The following TRAM2 variants were observed in gnomAD, a reference collection of about 807,000 sequenced individuals.
TRAM2 encodes translocation associated membrane protein 2, also known as translocating chain-associated membrane protein 2.
Under a neutral mutation model 51.0 loss-of-function variants are expected in TRAM2, and 12 were observed. That is an observed-to-expected ratio of 0.24 (90% confidence interval 0.15 to 0.38). The LOEUF is 0.38. TRAM2 is among the 10% of genes least tolerant of loss of function. The probability of loss-of-function intolerance (pLI) is 1.00; values close to 1 mark genes in which losing one functional copy is unlikely to be tolerated. For synonymous variants in TRAM2, 175 were observed against 179.4 expected (o/e 0.98, Z 0.20); for missense variants, 361 against 462.0 (o/e 0.78, Z 2.00).
chr6:52,539,895 C>T (rs1461336002), intron 1 of TRAM2, among the ~76,000 whole-genome samples: 2 of 152,018 alleles, frequency 1.3e-5, no homozygotes, highest in Non-Finnish European at 2.9e-5. Flanking sequence ...CTCATAAATT[C>T]CTATTTGACA....
intron 2 of TRAM2, chr6:52,524,099 G>C (rs992397964): frequency 6.6e-5 from 10 of 152,350 alleles, no homozygotes; most frequent in African/African-American, 2.4e-4. Context: ...GTAACTGAGA[G>C]ATTTATGAAT....
chr6:52,529,273 C>A (rs983862795), intron 2 of TRAM2, among the ~76,000 whole-genome samples: 1 of 152,210 alleles, frequency 6.6e-6, no homozygotes, highest in Admixed American at 6.5e-5. Flanking sequence ...CACCTCCCCC[C>A]AGCTTTCCCA....
chr6:52,519,383 C>G (rs1766620974), intron 2 of TRAM2, among the ~76,000 whole-genome samples: 2 of 152,216 alleles, frequency 1.3e-5, no homozygotes, highest in Admixed American at 1.3e-4. Flanking sequence ...ATACTCAACA[C>G]CACTCATCAT....
intron 2 of TRAM2, among the ~76,000 whole-genome samples, chr6:52,520,097 T>C (rs1473953480): frequency 2.6e-5 from 4 of 152,234 alleles, no homozygotes; most frequent in Non-Finnish European, 5.9e-5. Flanking sequence ...TACTTAACAA[T>C]ACTGAACTGT....
At chr6:52,529,330 T>A (rs1165601306) in intron 2 of TRAM2, among the ~76,000 whole-genome samples, 1 of 152,198 alleles carries the variant, frequency 6.6e-6, no homozygotes, top group Non-Finnish European at 1.5e-5. Context: ...GACAGAAAGA[T>A]GCAAATGAGT....
chr6:52,527,012 G>GA (rs2114079371), intron 2 of TRAM2, among the ~76,000 whole-genome samples: 1 of 151,278 alleles, frequency 6.6e-6, no homozygotes, highest in South Asian at 2.1e-4. Flanking sequence ...TAAACTTACA[G>GA]AAAAAATAAC....
At chr6:52,545,141 G>A (rs973372236) in intron 1 of TRAM2, among the ~76,000 whole-genome samples, 6 of 152,334 alleles carry the variant, frequency 3.9e-5, no homozygotes, top group African/African-American at 1.4e-4. Flanking sequence ...ATCTGATGGT[G>A]ACTTCATGCA....
At chr6:52,542,740 C>T (rs975390384) in intron 1 of TRAM2, among the ~76,000 whole-genome samples, 2 of 151,960 alleles carry the variant, frequency 1.3e-5, no homozygotes, top group East Asian at 1.9e-4. Flanking sequence ...GAAAAAAACT[C>T]GAAATTTGAA....
At chr6:52,559,245 A>G (rs1424192871) in intron 1 of TRAM2, among the ~76,000 whole-genome samples, 3 of 152,210 alleles carry the variant, frequency 2.0e-5, no homozygotes, top group Non-Finnish European at 4.4e-5. Context: ...ACTCCACATC[A>G]GGAAAGATCA....
intron 4 of TRAM2, 108 bp downstream of exon 4, chr6:52,515,892 CAGAAAA>C (rs1242223697): frequency 1.1e-6 from 1 of 876,126 alleles, no homozygotes; most frequent in Non-Finnish European, 1.8e-6. Flanking sequence ...TTCCCCTTAA[CAGAAAA>C]AGAAAAAGAG....
At chr6:52,509,703 G>A in intron 4 of TRAM2, 117 bp from the exon 5 acceptor site, 1 of 860,192 alleles carries the variant, frequency 1.2e-6, no homozygotes, top group Non-Finnish European at 1.8e-6. Flanking sequence ...AAAGAGGAAG[G>A]AACAGGAAAT....
rs1009530814 is a variant in TRAM2, at chr6:52,554,777, T to G, written c.121-18931A>C. 2.0e-5 allele frequency among the ~76,000 whole-genome samples: 3 copies of G among 151,162 alleles called. No homozygotes were observed. In the South Asian group the frequency reaches 6.3e-4, roughly 32 times the overall value. On this transcript the variant is annotated intron_variant, in intron 1 of 10. Coordinates refer to ENST00000182527, the MANE Select transcript of TRAM2 (RefSeq NM_012288.4). Reference sequence around the variant, plus strand: ...ACTTAGAGTCAATCCTTTTTTTTTTTTTTTTTTAACAGAGGGTCTTGCTCT... The same window carrying G: ...ACTTAGAGTCAATCCTTTTTTTTTTGTTTTTTTAACAGAGGGTCTTGCTCT...
Position 52,503,010 on chromosome 6 carries a change from T to C in TRAM2, c.*187A>G. 1.6e-6 allele frequency: 1 copy of C among 628,588 alleles called. No individual in the cohort carries two copies. The highest frequency in any genetic ancestry group is 2.8e-6 in the Non-Finnish European group (1 of 354,724). 38.9% of individuals were successfully genotyped at this position (628,588 alleles called of 1,614,324 possible). The stretch of plus-strand genomic sequence containing the variant: ...GATTTTTGGCTTTATTGAGAATGGT[T>C]TGTGGAAGAATAAGAGGAAGCCAAG... On this transcript the variant is annotated 3_prime_UTR_variant, in exon 11 of 11. Coordinates refer to ENST00000182527, the MANE Select transcript of TRAM2 (RefSeq NM_012288.4).
chr6:52,532,783 C>T (rs773923564), intron 2 of TRAM2, among the ~76,000 whole-genome samples: 14 of 151,722 alleles, frequency 9.2e-5, no homozygotes, highest in South Asian at 2.1e-4. Flanking sequence ...CGAGGACACA[C>T]AAAAAGGTTC....
In TRAM2 at chr6:52,574,408, C is replaced by A. The variant is rs150170835; in HGVS notation, c.120+2388G>T. ...TAGTCGGTGGGTAAAGACAGTGAGGCCCCCACCATGTGCCCAGCACAGAAG... is the reference window on the plus strand; with the variant it reads ...TAGTCGGTGGGTAAAGACAGTGAGGACCCCACCATGTGCCCAGCACAGAAG... On this transcript the variant is annotated intron_variant, in intron 1 of 10. Coordinates refer to ENST00000182527, the MANE Select transcript of TRAM2 (RefSeq NM_012288.4). 7.2e-5 allele frequency among the ~76,000 whole-genome samples: 11 copies of A among 152,268 alleles called. No individual in the cohort carries two copies. In the East Asian group the frequency reaches 2.1e-3, roughly 29 times the overall value.
At chr6:52,503,323 A>G (rs908049104) in intron 10 of TRAM2, 53 bp from the exon 11 acceptor site, 91 of 1,540,278 alleles carry the variant, frequency 5.9e-5, no homozygotes, top group Non-Finnish European at 8.0e-5. Flanking sequence ...GAGCTAAGGC[A>G]GAAGAGGGGA....
In TRAM2 at chr6:52,507,580, A is replaced by C. The variant is rs766129844; in HGVS notation, c.599T>G (p.Val200Gly). 75 of 1,614,114 alleles carry C rather than the reference A, an allele frequency of 4.6e-5. 1 individual carries two copies. The East Asian group carries it at 1.6e-3, about 35-fold the overall frequency. The part of the protein sequence containing the change: ...RQLQYICLYL[V>G]HIAGAYLLNL... ...TAAGAGGTATGCTCCAGCTATATGC[A>C]CCAGGTACAGGCAAATATACTGGAG... The change falls in exon 7 of 11, where the codon GTG becomes GGG. Residue 200 changes from valine (V) to glycine (G), a missense_variant. Val to Gly is a moderately radical substitution (Grantham distance 109). Coordinates refer to ENST00000182527, the MANE Select transcript of TRAM2 (RefSeq NM_012288.4).
intron 1 of TRAM2, among the ~76,000 whole-genome samples, chr6:52,555,420 T>G (rs543202122): frequency 6.6e-6 from 1 of 152,286 alleles, no homozygotes; most frequent in East Asian, 1.9e-4. Flanking sequence ...AAAACAAATA[T>G]ATATATATGA....
At chr6:52,508,203 C>A in intron 6 of TRAM2, 31 bp downstream of exon 6, 1 of 1,605,646 alleles carries the variant, frequency 6.2e-7, no homozygotes, top group Non-Finnish European at 8.5e-7. Context: ...CAATGAATGG[C>A]CTCCAAGAAG....
Sources: gnomAD v4.1 joint callset for allele counts (sites outside exome capture counted in the v4.1 genomes callset) on GRCh38, gnomAD v4.1.1 for gene constraint, MANE v1.5 for transcripts, NCBI Gene and HGNC (gene_info 2026-07-23, HGNC 2026-07-21) for gene names.